Variants in RBM47 observed in about 807,000 individuals in gnomAD.
RBM47 encodes the protein RNA-binding protein 47.
A neutral mutation model predicts 47.1 loss-of-function variants in RBM47; 21 were observed. That is an observed-to-expected ratio of 0.45 (90% CI 0.32 to 0.64). The LOEUF is 0.64. Among genes scored for constraint, RBM47 ranks in the 30% least tolerant of loss-of-function variants. RBM47 has a pLI of 0.05. For missense variants in RBM47, 708 were observed against 870.9 expected, an observed-to-expected ratio of 0.81 and a Z score of 2.35; for synonymous variants, 375 against 361.7, an observed-to-expected ratio of 1.04 and a Z score of -0.42.
intron 2 of RBM47, among the ~76,000 whole-genome samples, chr4:40,478,009 C>CTTT (rs1194806938): frequency 0.069 from 5,930 of 86,290 alleles, 652 homozygotes; most frequent in African/African-American, 0.17. Context: ...GTGGCATGTT[C>CTTT]TTTTTTTTTT....
intron 2 of RBM47, among the ~76,000 whole-genome samples, chr4:40,490,544 T>C (rs990523386): frequency 1.3e-5 from 2 of 151,990 alleles, no homozygotes; most frequent in Non-Finnish European, 2.9e-5. Context: ...TACAATAGCA[T>C]CAAAAATAAT....
chr4:40,583,840 A>G (rs1733251652), intron 1 of RBM47, among the ~76,000 whole-genome samples: 1 of 147,334 alleles, frequency 6.8e-6, no homozygotes, highest in Non-Finnish European at 1.5e-5. Context: ...CCTGGGCGAG[A>G]GAGCGAGACT....
intron 2 of RBM47, among the ~76,000 whole-genome samples, chr4:40,487,376 A>G (rs1721240331): frequency 6.6e-6 from 1 of 152,022 alleles, no homozygotes; most frequent in Admixed American, 6.6e-5. Flanking sequence ...GCTCACTGCA[A>G]ACTCCACCTC....
At position 40,531,163 on chromosome 4, in the gene RBM47, C is replaced by T. The variant is rs537843027; in HGVS notation, c.-155+13259G>A. Among the ~76,000 whole-genome samples the T allele has an allele frequency of 6.6e-5, 10 of 152,016 alleles. No homozygotes were observed. The East Asian group carries it at 1.9e-3, about 29-fold the overall frequency. ...TGGCATGGACTTGGTTTACATAAAACGAAACCTGTTTGCCATTCCCGATGC... is the reference window on the plus strand; with the variant it reads ...TGGCATGGACTTGGTTTACATAAAATGAAACCTGTTTGCCATTCCCGATGC... On this transcript the variant is annotated intron_variant, in intron 2 of 6. Coordinates refer to ENST00000295971, the MANE Select transcript of RBM47 (RefSeq NM_001098634.2).
intron 1 of RBM47, among the ~76,000 whole-genome samples, chr4:40,545,005 G>A (rs1728880899): frequency 6.6e-6 from 1 of 151,120 alleles, no homozygotes; most frequent in African/African-American, 2.4e-5. Flanking sequence ...AGGCTGCAGT[G>A]AGCTATGATC....
At chr4:40,542,840 G>A (rs1347362619) in intron 2 of RBM47, 2 of 151,998 alleles carry the variant, frequency 1.3e-5, no homozygotes, top group African/African-American at 4.8e-5. Context: ...GCTAGCTTAG[G>A]TTTTCTTGTT....
At position 40,466,806 on chromosome 4, in the gene RBM47, T is replaced by A. The variant is rs1181198252; in HGVS notation, c.-154-107A>T. Reference sequence around the variant, plus strand: ...GGGGCAGATCCTCTTGCGTAGTTCCTAAGCATAATAATTAGAAACTGGGGG... The same window carrying A: ...GGGGCAGATCCTCTTGCGTAGTTCCAAAGCATAATAATTAGAAACTGGGGG... On this transcript the variant is annotated intron_variant, in intron 2 of 6. Transcript: ENST00000295971. The A allele has an allele frequency of 2.3e-5, 3 of 130,330 alleles. No individual in the cohort carries two copies. The East Asian group carries it at 8.0e-4, about 35-fold the overall frequency. 8.1% of individuals were successfully genotyped at this position (130,330 alleles called of 1,614,324 possible). A position where few individuals can be genotyped will look rare whatever the true frequency, so the allele number is the denominator to read the frequency against.
At chr4:40,604,094 C>T (rs182630058) in intron 1 of RBM47, among the ~76,000 whole-genome samples, 1 of 152,236 alleles carries the variant, frequency 6.6e-6, no homozygotes, top group Non-Finnish European at 1.5e-5. Flanking sequence ...GGTCTTCACC[C>T]TTTGGCCCTA....
At chr4:40,463,223 C>G (rs1402118300) in intron 3 of RBM47, among the ~76,000 whole-genome samples, 1 of 152,092 alleles carries the variant, frequency 6.6e-6, no homozygotes, top group African/African-American at 2.4e-5. Flanking sequence ...TGCAAAGACC[C>G]TTGAAAAAAT....
At chr4:40,504,782 T>C (rs546714694) in intron 2 of RBM47, among the ~76,000 whole-genome samples, 2 of 152,220 alleles carry the variant, frequency 1.3e-5, no homozygotes, top group South Asian at 4.1e-4. Context: ...CCAAAAATTA[T>C]CACCATTTAA....
At chr4:40,467,825 A>T (rs767425582) in intron 2 of RBM47, among the ~76,000 whole-genome samples, 49 of 152,220 alleles carry the variant, frequency 3.2e-4, no homozygotes, top group Non-Finnish European at 6.0e-4. Flanking sequence ...CAAACTACAG[A>T]GAGCCCCCAT....
intron 2 of RBM47, among the ~76,000 whole-genome samples, chr4:40,491,163 A>C (rs1721817558): frequency 6.6e-6 from 1 of 152,202 alleles, no homozygotes; most frequent in Non-Finnish European, 1.5e-5. Flanking sequence ...TTCAGGGAAA[A>C]AACCCAAAAC....
chr4:40,505,271 C>G (rs1359105492), intron 2 of RBM47, among the ~76,000 whole-genome samples: 1 of 151,152 alleles, frequency 6.6e-6, no homozygotes, highest in Non-Finnish European at 1.5e-5. Flanking sequence ...GGTGGCTGAT[C>G]ACTTGAGGCC....
At position 40,432,222 on chromosome 4, in the gene RBM47, A is replaced by G. The variant is rs373047463; in HGVS notation, c.1542+429T>C. ...TCTCTTTACACACACACACACACAC[A>G]CACACACACACACACACACACGGGG... is the stretch of plus-strand genomic sequence containing the variant. On this transcript the variant is annotated intron_variant, in intron 6 of 6. Transcript: ENST00000295971. Among the ~76,000 whole-genome samples the G allele has an allele frequency of 2.3e-3, 348 of 151,338 alleles. 2 individuals are homozygous for G. Among genetic ancestry groups the G allele is most frequent in the Middle Eastern group, 0.01 (3 of 292 alleles).
chr4:40,446,219 C>T (rs1714502199), intron 3 of RBM47, among the ~76,000 whole-genome samples: 1 of 152,182 alleles, frequency 6.6e-6, no homozygotes, highest in Non-Finnish European at 1.5e-5. Context: ...CTAATCCTCA[C>T]AGTGTCTATA....
chr4:40,528,975 A>G (rs1007171856), intron 2 of RBM47, among the ~76,000 whole-genome samples: 2 of 151,118 alleles, frequency 1.3e-5, no homozygotes, highest in African/African-American at 4.8e-5. Flanking sequence ...TAAATAAATA[A>G]ATAAATAAAT....
chr4:40,554,985 C>G (rs577700497), intron 1 of RBM47, among the ~76,000 whole-genome samples: 1 of 151,908 alleles, frequency 6.6e-6, no homozygotes, highest in South Asian at 2.1e-4. Context: ...GCCCAGGCTG[C>G]AGTGCAATGG....
intron 2 of RBM47, among the ~76,000 whole-genome samples, chr4:40,526,993 G>T (rs1406087453): frequency 2.0e-5 from 3 of 151,960 alleles, no homozygotes; most frequent in Non-Finnish European, 4.4e-5. Context: ...GTTTGACGAA[G>T]GCAACTACCT....
chr4:40,550,562 G>C (rs534560399), intron 1 of RBM47, among the ~76,000 whole-genome samples: 2 of 152,240 alleles, frequency 1.3e-5, no homozygotes, highest in South Asian at 2.1e-4. Flanking sequence ...GGGACTACAG[G>C]TGCCCAGCAC....
Sources: allele counts gnomAD v4.1 joint callset (sites outside exome capture counted in the v4.1 genomes callset), GRCh38; gene constraint gnomAD v4.1.1; transcripts MANE v1.5; gene names NCBI Gene and HGNC (gene_info 2026-07-23, HGNC 2026-07-21).